The following TNFRSF19 variants were observed in gnomAD, a reference collection of about 807,000 sequenced individuals.
The protein encoded by TNFRSF19 is tumor necrosis factor receptor superfamily member 19.
Under a neutral mutation model 46.4 loss-of-function variants are expected in TNFRSF19, and 27 were observed. The ratio of observed to expected loss-of-function variants is 0.58; its 90% CI spans 0.43 to 0.80. The LOEUF (loss-of-function observed/expected upper bound fraction) is 0.80, where lower values mean the gene tolerates loss of function less well. TNFRSF19 is among the 30% of genes least tolerant of loss of function. TNFRSF19 has a pLI of 0.00. For synonymous variants in TNFRSF19, 204 were observed against 205.0 expected (o/e 1.00, Z 0.04); for missense variants, 511 against 530.8 (o/e 0.96, Z 0.37).
intron 5 of TNFRSF19, among the ~76,000 whole-genome samples, chr13:23,651,012 GTTAC>G (rs1883595873): frequency 6.6e-6 from 1 of 151,958 alleles, no homozygotes; most frequent in East Asian, 1.9e-4. Flanking sequence ...TATGTTGAGT[GTTAC>G]ATAGATATTT....
chr13:23,581,220 A>G (rs1382965200), intron 1 of TNFRSF19, among the ~76,000 whole-genome samples: 1 of 149,348 alleles, frequency 6.7e-6, no homozygotes, highest in Non-Finnish European at 1.5e-5. Flanking sequence ...CGCTCTGCGC[A>G]CTGCAAGCTC....
At chr13:23,645,810 G>T (rs1883297450) in intron 5 of TNFRSF19, among the ~76,000 whole-genome samples, 2 of 152,088 alleles carry the variant, frequency 1.3e-5, no homozygotes, top group African/African-American at 4.8e-5. Flanking sequence ...ATGTCCAGCT[G>T]CTGGCTTAAC....
At chr13:23,636,405 A>C (rs1882681874) in intron 5 of TNFRSF19, among the ~76,000 whole-genome samples, 1 of 152,100 alleles carries the variant, frequency 6.6e-6, no homozygotes, top group Admixed American at 6.5e-5. Flanking sequence ...TCTAGATATT[A>C]ATGAAGTGCT....
chr13:23,578,077 C>T (rs1454950643), intron 1 of TNFRSF19, among the ~76,000 whole-genome samples: 1 of 152,020 alleles, frequency 6.6e-6, no homozygotes, highest in Non-Finnish European at 1.5e-5. Context: ...GTGTGCTAGG[C>T]CCCGGGATAT....
chr13:23,573,844 C>T (rs562420397), intron 1 of TNFRSF19, among the ~76,000 whole-genome samples: 5 of 151,992 alleles, frequency 3.3e-5, no homozygotes, highest in South Asian at 2.1e-4. Context: ...AGACGGATCA[C>T]GAGGTCAGGA....
intron 1 of TNFRSF19, among the ~76,000 whole-genome samples, chr13:23,575,697 C>G (rs1877909088): frequency 6.6e-6 from 1 of 152,144 alleles, no homozygotes; most frequent in South Asian, 2.1e-4. Flanking sequence ...AAACTGTAAA[C>G]CAAAGAGACA....
chr13:23,675,064 TC>T lies in TNFRSF19; in HGVS notation c.*1686del, dbSNP rs1951809693. On this transcript the variant is annotated 3_prime_UTR_variant, in exon 10 of 10. Coordinates refer to ENST00000248484, the MANE Select transcript of TNFRSF19 (RefSeq NM_148957.4). ...TGCCTAGTCATAATTAATTGACTTTTCCTGTATTACTTCTTTTTTTAAGTAT... is the reference window on the plus strand; with the variant it reads ...TGCCTAGTCATAATTAATTGACTTTTCTGTATTACTTCTTTTTTTAAGTAT... 1 of 152,230 alleles carries T rather than the reference TC, an allele frequency of 6.6e-6. No homozygotes were observed. The highest frequency in any genetic ancestry group is 2.4e-5 in the African/African-American group (1 of 41,452). The allele number at this position is 152,230 out of a possible 1,614,324, so 9.4% of individuals were successfully genotyped here.
chr13:23,654,778 C>T (rs1057003131), intron 5 of TNFRSF19, among the ~76,000 whole-genome samples: 2 of 152,192 alleles, frequency 1.3e-5, no homozygotes, highest in South Asian at 2.1e-4. Flanking sequence ...TAACCTTGAG[C>T]ATGTGACTCA....
chr13:23,596,342 T>C (rs1435165241), intron 3 of TNFRSF19, among the ~76,000 whole-genome samples: 1 of 152,122 alleles, frequency 6.6e-6, no homozygotes, highest in Non-Finnish European at 1.5e-5. Context: ...TGTGCAGTAT[T>C]CAGGAGATCC....
intron 5 of TNFRSF19, among the ~76,000 whole-genome samples, chr13:23,639,726 C>T (rs1882917792): frequency 1.3e-5 from 2 of 152,172 alleles, no homozygotes; most frequent in Non-Finnish European, 2.9e-5. Context: ...TGACCCGGCC[C>T]TGGAGGGAGC....
intron 4 of TNFRSF19, among the ~76,000 whole-genome samples, chr13:23,626,185 A>ATGTGTGTGTGTGTG (rs1306222494): frequency 5.7e-4 from 43 of 75,936 alleles, no homozygotes; most frequent in African/African-American, 2.1e-3. Flanking sequence ...TTTCTTTAAA[A>ATGTGTGTGTGTGTG]TCTGTGTGTG....
intron 5 of TNFRSF19, among the ~76,000 whole-genome samples, chr13:23,641,968 A>G (rs1354006976): frequency 6.6e-6 from 1 of 152,222 alleles, no homozygotes; most frequent in African/African-American, 2.4e-5. Context: ...AGCCTATTTT[A>G]TTAGAATGTT....
At chr13:23,672,779 G>A (rs1470799492) in intron 9 of TNFRSF19, among the ~76,000 whole-genome samples, 2 of 152,184 alleles carry the variant, frequency 1.3e-5, no homozygotes, top group South Asian at 2.1e-4. Flanking sequence ...CCTTTGTGAT[G>A]AGGACACGTC....
chr13:23,581,150 C>G (rs1390067216), intron 1 of TNFRSF19, among the ~76,000 whole-genome samples: 1 of 131,438 alleles, frequency 7.6e-6, no homozygotes, highest in Non-Finnish European at 1.6e-5. Context: ...TTTTTTGAAA[C>G]GGAGTCTCGC....
chr13:23,668,093 G>C lies in TNFRSF19; in HGVS notation c.839+11G>C. ...CAGTCTTCAGGCAAGGTAACTAGGT[G>C]CTTTCAATCAATCATTTCATAACCC... On this transcript the variant is annotated intron_variant, in intron 8 of 9. Coordinates refer to ENST00000248484, the MANE Select transcript of TNFRSF19 (RefSeq NM_148957.4). 1 of 1,589,754 alleles carries C rather than the reference G, an allele frequency of 6.3e-7. No homozygotes were observed. The highest frequency in any genetic ancestry group is 8.6e-7 in the Non-Finnish European group (1 of 1,167,960).
chr13:23,646,138 AC>A (rs1187536501), intron 5 of TNFRSF19, among the ~76,000 whole-genome samples: 1 of 151,798 alleles, frequency 6.6e-6, no homozygotes, highest in South Asian at 2.1e-4. Context: ...CCAGTGCGGC[AC>A]CCCCCGGCCT....
chr13:23,595,069 C>T (rs1302983224), intron 3 of TNFRSF19, among the ~76,000 whole-genome samples: 2 of 151,924 alleles, frequency 1.3e-5, no homozygotes, highest in African/African-American at 4.8e-5. Flanking sequence ...ATAGCATCAA[C>T]AAAAAGGGCA....
At chr13:23,607,178 A>T (rs759897610) in intron 3 of TNFRSF19, among the ~76,000 whole-genome samples, 12 of 152,208 alleles carry the variant, frequency 7.9e-5, no homozygotes, top group Non-Finnish European at 1.6e-4. Context: ...TCACATCTGT[A>T]ATCCCAGCAC....
intron 3 of TNFRSF19, among the ~76,000 whole-genome samples, chr13:23,614,999 G>A (rs537251608): frequency 5.3e-5 from 8 of 152,206 alleles, no homozygotes; most frequent in African/African-American, 1.9e-4. Flanking sequence ...TCTAGAGTAA[G>A]CACCCATAAA....
Sources: gnomAD v4.1 joint callset for allele counts (sites outside exome capture counted in the v4.1 genomes callset) on GRCh38, gnomAD v4.1.1 for gene constraint, MANE v1.5 for transcripts, NCBI Gene and HGNC (gene_info 2026-07-23, HGNC 2026-07-21) for gene names.